ARL17A: variants seen among roughly 807,000 people sequenced by gnomAD.
ARL17A encodes the protein ARF like GTPase 17A.
downstream of ARL17A, among the ~76,000 whole-genome samples, chr17:46,525,661 T>A (rs62073312): frequency 0.13 from 14,638 of 114,818 alleles, 17 homozygotes; most frequent in Non-Finnish European, 0.2. Context: ...CCAGCTTCAC[T>A]ACAATTATGT....
chr17:46,539,768 C>CAAAACAA (rs2054948081), intron 3 of ARL17A, among the ~76,000 whole-genome samples: 1 of 67,038 alleles, frequency 1.5e-5, no homozygotes, highest in Non-Finnish European at 2.7e-5. Context: ...GACTCCATCT[C>CAAAACAA]AAAAAAAAAA....
Position 46,557,179 on chromosome 17 carries a change from G to A in ARL17A, c.*177C>T. ...TTTAGGAGCTTTGTGTTAGGAACTG[G>A]GGGCAGAGACCAAATATATATTTCT... On this transcript the variant is annotated 3_prime_UTR_variant, in exon 4 of 4. Transcript: ENST00000336125. The A allele has an allele frequency of 1.8e-6, 1 of 569,252 alleles. No homozygotes were observed. Among genetic ancestry groups the A allele is most frequent in the Non-Finnish European group, 3.1e-6 (1 of 325,314 alleles). 35.3% of individuals were successfully genotyped at this position (569,252 alleles called of 1,614,324 possible).
chr17:46,532,226 AAAC>A lies in ARL17A; in HGVS notation c.336-3370_336-3368del, dbSNP rs1340639509. 5.3e-4 allele frequency among the ~76,000 whole-genome samples: 79 copies of A among 148,658 alleles called. 1 individual carries two copies. Among genetic ancestry groups the A allele is most frequent in the Admixed American group, 1.3e-3 (19 of 15,086 alleles). ...TAAATGAAAACTTTTTCACTCAAAA[AAAC>A]AACAATTGTAGTGAAACCATAGATC... On this transcript the variant is annotated intron_variant, in intron 4 of 4. Transcript: ENST00000329240.
chr17:46,535,099 G>A (rs62073323), intron 4 of ARL17A, among the ~76,000 whole-genome samples: 13,229 of 137,350 alleles, frequency 0.096, no homozygotes, highest in Middle Eastern at 0.17. Context: ...TTACTCTATT[G>A]CCAGTGCTGG....
intron 3 of ARL17A, among the ~76,000 whole-genome samples, chr17:46,568,491 C>A (rs1598610963): frequency 3.5e-5 from 4 of 113,096 alleles, no homozygotes; most frequent in Admixed American, 1.8e-4. Flanking sequence ...GTGGAATAAG[C>A]AGTTAAAAAA....
At chr17:46,516,296 C>A (rs1297029720), downstream of ARL17A, among the ~76,000 whole-genome samples, 13 of 82,096 alleles carry the variant, frequency 1.6e-4, 3 homozygotes, top group Admixed American at 1.5e-3. Flanking sequence ...GAGCAAGACT[C>A]CATCTCAAAA....
intron 3 of ARL17A, among the ~76,000 whole-genome samples, chr17:46,545,088 G>T (rs1277137706): frequency 7.4e-6 from 1 of 134,390 alleles, no homozygotes; most frequent in Non-Finnish European, 1.6e-5. Context: ...CAGATGGCCT[G>T]TAATACTAAG....
At chr17:46,503,096 C>T in the ARL17A span, among the ~76,000 whole-genome samples, 7 of 150,314 alleles carry the variant, frequency 4.7e-5, 1 homozygote, top group African/African-American at 1.8e-4. Flanking sequence ...CCTGTAGTCC[C>T]AGCTACTCTG....
chr17:46,551,358 A>G (rs1253248124), downstream of ARL17A, among the ~76,000 whole-genome samples: 6 of 150,558 alleles, frequency 4.0e-5, no homozygotes, highest in African/African-American at 7.5e-5. Context: ...AAAGCTGGCA[A>G]CCTTGACGCT....
At chr17:46,539,416 AT>A (rs926200262) in intron 3 of ARL17A, among the ~76,000 whole-genome samples, 14 of 143,276 alleles carry the variant, frequency 9.8e-5, no homozygotes, top group East Asian at 4.1e-4. Context: ...AATTGGTCCT[AT>A]TTTTTTTTAA....
Position 46,552,837 on chromosome 17 carries a change from C to T in ARL17A, c.*4519G>A, listed in dbSNP as rs1259577219. 1 of 145,232 alleles carries T rather than the reference C, an allele frequency of 6.9e-6. No individual in the cohort carries two copies. The highest frequency in any genetic ancestry group is 1.4e-5 in the Non-Finnish European group (1 of 70,324). 9.0% of individuals were successfully genotyped at this position (145,232 alleles called of 1,614,324 possible). ...GGCATGGTGGCTCACACTTGTAATC[C>T]CAACACATTGGGAGGCCAACCTGGG... On this transcript the variant is annotated 3_prime_UTR_variant, in exon 4 of 4. Coordinates refer to ENST00000336125, the MANE Select transcript of ARL17A (RefSeq NM_001113738.2).
chr17:46,532,421 C>T (rs959782167), intron 4 of ARL17A, among the ~76,000 whole-genome samples: 1 of 149,914 alleles, frequency 6.7e-6, no homozygotes. Flanking sequence ...GTTAATATCA[C>T]CCTCATAGAA....
At chr17:46,503,201 G>A in the ARL17A span, among the ~76,000 whole-genome samples, 1 of 118,164 alleles carries the variant, frequency 8.5e-6, no homozygotes, top group Admixed American at 8.7e-5. Flanking sequence ...GACAGAGGGA[G>A]ACTCCGTCTC....
At chr17:46,501,457 G>A in the ARL17A span, among the ~76,000 whole-genome samples, 1 of 151,326 alleles carries the variant, frequency 6.6e-6, no homozygotes, top group East Asian at 1.9e-4. Context: ...CTACAGGTGT[G>A]GGCCACCACG....
At chr17:46,548,731 GA>G (rs2056460134), downstream of ARL17A, 1 of 1,609,892 alleles carries the variant, frequency 6.2e-7, no homozygotes, top group African/African-American at 1.4e-5. Context: ...GGCATCTGTG[GA>G]GAACGCTGCC....
intron 3 of ARL17A, among the ~76,000 whole-genome samples, chr17:46,541,653 C>A (rs1428633822): frequency 6.6e-6 from 1 of 150,746 alleles, no homozygotes; most frequent in Non-Finnish European, 1.5e-5. Flanking sequence ...TCCATAGATT[C>A]AACGAACCAT....
At chr17:46,545,501 T>TA (rs1198770895) in intron 3 of ARL17A, among the ~76,000 whole-genome samples, 1 of 121,558 alleles carries the variant, frequency 8.2e-6, no homozygotes. Context: ...TGTGGGTTGT[T>TA]ACTTTGAGTT....
downstream of ARL17A, chr17:46,550,605 C>T (rs2056680596): frequency 1.9e-6 from 1 of 533,158 alleles, no homozygotes; most frequent in Non-Finnish European, 3.5e-6. Flanking sequence ...ACCAAAGCCA[C>T]TTTCCCACCT....
chr17:46,532,908 C>T (rs1370516191), intron 4 of ARL17A, among the ~76,000 whole-genome samples: 2 of 146,622 alleles, frequency 1.4e-5, no homozygotes, highest in African/African-American at 5.3e-5. Flanking sequence ...CGAGGCCAGC[C>T]AGGGCAACAT....
Sources: gnomAD v4.1 joint callset for allele counts (sites outside exome capture counted in the v4.1 genomes callset) on GRCh38, gnomAD v4.1.1 for gene constraint, MANE v1.5 for transcripts, NCBI Gene and HGNC (gene_info 2026-07-23, HGNC 2026-07-21) for gene names.